ASIC2: variants seen among roughly 807,000 people sequenced by gnomAD.
ASIC2 encodes the protein acid sensing ion channel subunit 2.
ASIC2 carries 25 observed loss-of-function variants against 57.3 expected under a neutral mutation model. That is an observed-to-expected ratio of 0.44 (90% CI 0.32 to 0.61). The LOEUF is 0.61. ASIC2 is among the 20% of genes least tolerant of loss of function. The pLI is 0.06. For missense variants in ASIC2, 641 were observed against 738.1 expected (o/e 0.87, Z 1.52); for synonymous variants, 319 against 307.5 (o/e 1.04, Z -0.39).
At chr17:33,667,889 A>G (rs1316357180) in intron 1 of ASIC2, among the ~76,000 whole-genome samples, 1 of 152,192 alleles carries the variant, frequency 6.6e-6, no homozygotes, top group African/African-American at 2.4e-5. Flanking sequence ...TGCTTAAGGA[A>G]ACCAAATGGC....
chr17:33,721,604 A>G (rs1909391265), intron 1 of ASIC2, among the ~76,000 whole-genome samples: 3 of 152,182 alleles, frequency 2.0e-5, no homozygotes, highest in Non-Finnish European at 4.4e-5. Flanking sequence ...CGAGAAATAA[A>G]CCTTTAACAT....
chr17:33,829,759 T>A (rs1015683372), intron 1 of ASIC2, among the ~76,000 whole-genome samples: 1 of 152,022 alleles, frequency 6.6e-6, no homozygotes, highest in Admixed American at 6.5e-5. Context: ...GTGATGAGGT[T>A]TCACTATGTT....
At position 33,961,744 on chromosome 17, in the gene ASIC2, A is replaced by AGG. The variant is rs61511810; in HGVS notation, c.555+194233_555+194234insCC. The stretch of plus-strand genomic sequence containing the variant: ...AGCATAAGGGACATATTTGGGAGGG[A>AGG]AAAAAAAGTCAACCAAAGGGAGTCA... On this transcript the variant is annotated intron_variant, in intron 1 of 9. Coordinates refer to the ASIC2 transcript ENST00000359872. Among the ~76,000 whole-genome samples the AGG allele has an allele frequency of 7.3e-5, 11 of 151,674 alleles. 1 individual carries two copies. Among genetic ancestry groups the AGG allele is most frequent in the African/African-American group, 2.4e-4 (10 of 41,334 alleles).
At chr17:33,582,304 T>C (rs1023433812) in intron 1 of ASIC2, among the ~76,000 whole-genome samples, 2 of 152,200 alleles carry the variant, frequency 1.3e-5, no homozygotes, top group African/African-American at 4.8e-5. Context: ...GCTCAATAAA[T>C]ATAAGTGAAT....
intron 1 of ASIC2, among the ~76,000 whole-genome samples, chr17:33,372,737 C>T (rs1400286219): frequency 1.3e-5 from 2 of 152,164 alleles, no homozygotes; most frequent in African/African-American, 4.8e-5. Context: ...CCATAGCCCC[C>T]TGGGAGGTAA....
chr17:33,618,881 A>G (rs1905689421), intron 1 of ASIC2, among the ~76,000 whole-genome samples: 1 of 152,158 alleles, frequency 6.6e-6, no homozygotes, highest in South Asian at 2.1e-4. Context: ...TGGCCATTAT[A>G]CATGCTGTTC....
chr17:33,682,592 G>T (rs760284846), intron 1 of ASIC2, among the ~76,000 whole-genome samples: 1,979 of 152,236 alleles, frequency 0.013, 16 homozygotes, highest in Middle Eastern at 0.02. Flanking sequence ...TAATGCCACA[G>T]TCAAATTAGA....
chr17:34,078,031 C>T (rs150212229), intron 1 of ASIC2, among the ~76,000 whole-genome samples: 1 of 152,318 alleles, frequency 6.6e-6, no homozygotes, highest in East Asian at 1.9e-4. Context: ...TAGGCCCCTA[C>T]AGCTTCTGTC....
intron 1 of ASIC2, among the ~76,000 whole-genome samples, chr17:33,207,695 C>T (rs921875098): frequency 1.3e-5 from 2 of 152,224 alleles, no homozygotes; most frequent in South Asian, 4.1e-4. Context: ...ACCTGCATTT[C>T]TTTATCCAAG....
At chr17:33,931,869 C>T (rs1271006721) in intron 1 of ASIC2, among the ~76,000 whole-genome samples, 12 of 152,172 alleles carry the variant, frequency 7.9e-5, no homozygotes, top group Non-Finnish European at 7.3e-5. Context: ...GCTGTTCGGC[C>T]GTTCTCAACA....
chr17:33,725,159 T>G (rs1909507047), intron 1 of ASIC2, among the ~76,000 whole-genome samples: 1 of 152,334 alleles, frequency 6.6e-6, no homozygotes, highest in Middle Eastern at 3.4e-3. Flanking sequence ...CCCCACAGCC[T>G]CTCACTGGGG....
intron 1 of ASIC2, among the ~76,000 whole-genome samples, chr17:33,952,830 C>T (rs1192305354): frequency 6.6e-6 from 1 of 151,962 alleles, no homozygotes; most frequent in Non-Finnish European, 1.5e-5. Flanking sequence ...ATTATGTAAC[C>T]ATCAAAAAGT....
chr17:33,082,050 G>A (rs981894835), intron 3 of ASIC2, among the ~76,000 whole-genome samples: 4 of 152,242 alleles, frequency 2.6e-5, no homozygotes, highest in African/African-American at 9.6e-5. Context: ...TCTAGGTTGT[G>A]GAATGGAAAC....
In ASIC2 at chr17:33,233,450, T is replaced by C. The variant is rs113218687; in HGVS notation, c.708+57958A>G. On this transcript the variant is annotated intron_variant, in intron 1 of 9. Transcript: ENST00000225823. ...ATTCTACTATCTGACACAATTCACA[T>C]ACACACGAACTCTTTCCAGAATTTA... 5.3e-5 allele frequency among the ~76,000 whole-genome samples: 8 copies of C among 151,520 alleles called. 2 individuals are homozygous for C. Among genetic ancestry groups the C allele is most frequent in the African/African-American group, 1.9e-4 (8 of 41,296 alleles).
chr17:34,075,823 C>CTTTTT (rs57703083), intron 1 of ASIC2, among the ~76,000 whole-genome samples: 3 of 77,548 alleles, frequency 3.9e-5, no homozygotes, highest in Non-Finnish European at 7.0e-5. Flanking sequence ...TTTCTTTTTC[C>CTTTTT]TTTTTTTTTT....
intron 1 of ASIC2, chr17:33,541,261 C>A (rs550957837): frequency 1.1e-4 from 17 of 152,298 alleles, no homozygotes; most frequent in African/African-American, 3.6e-4. Context: ...GTCTCTCTCT[C>A]TCTCTTAAAT....
At chr17:33,702,353 G>A (rs1020488112) in intron 1 of ASIC2, among the ~76,000 whole-genome samples, 1 of 152,144 alleles carries the variant, frequency 6.6e-6, no homozygotes, top group Admixed American at 6.5e-5. Context: ...CTAGAGATAA[G>A]GTTTTAAGGC....
At chr17:34,140,965 C>T (rs1031655431) in intron 1 of ASIC2, among the ~76,000 whole-genome samples, 12 of 152,076 alleles carry the variant, frequency 7.9e-5, no homozygotes, top group African/African-American at 2.9e-4. Context: ...CCAGAAGAGA[C>T]ACCTTCATCA....
chr17:33,406,743 T>C (rs4635386), intron 1 of ASIC2, among the ~76,000 whole-genome samples: 2 of 152,030 alleles, frequency 1.3e-5, no homozygotes, highest in African/African-American at 4.8e-5. Context: ...GGAGTACTTA[T>C]TAAGACCATG....
Sources: gnomAD v4.1 joint callset for allele counts (sites outside exome capture counted in the v4.1 genomes callset) on GRCh38, gnomAD v4.1.1 for gene constraint, MANE v1.5 for transcripts, NCBI Gene and HGNC (gene_info 2026-07-23, HGNC 2026-07-21) for gene names.